The following SGK1 variants were observed in gnomAD, a reference collection of about 807,000 sequenced individuals.
The protein encoded by SGK1 is serum/glucocorticoid regulated kinase 1.
A neutral mutation model predicts 64.2 loss-of-function variants in SGK1; 26 were observed. The observed-to-expected ratio is 0.40, with a 90% CI of 0.30 to 0.56. The LOEUF (loss-of-function observed/expected upper bound fraction) is 0.56, where lower values mean the gene tolerates loss of function less well. Ranked by LOEUF, SGK1 falls within the 20% of genes least tolerant of loss-of-function variation. SGK1 has a pLI of 0.38. For synonymous variants in SGK1, 265 were observed against 239.7 expected (o/e 1.11, Z -0.98); for missense variants, 519 against 645.6 (o/e 0.80, Z 2.12).
chr6:134,194,101 T>A (rs181545117), intron 3 of SGK1, among the ~76,000 whole-genome samples: 1 of 151,566 alleles, frequency 6.6e-6, no homozygotes, highest in East Asian at 1.9e-4. Flanking sequence ...TGGAGTTACA[T>A]GGAGAAAACC....
At chr6:134,255,793 C>T (rs993641195) in intron 2 of SGK1, among the ~76,000 whole-genome samples, 1 of 151,750 alleles carries the variant, frequency 6.6e-6, no homozygotes, top group Admixed American at 6.6e-5. Context: ...CCATGTTGAC[C>T]GGGCTGGTCT....
chr6:134,235,673 G>A (rs1340942105), intron 2 of SGK1, among the ~76,000 whole-genome samples: 3 of 151,844 alleles, frequency 2.0e-5, no homozygotes, highest in Non-Finnish European at 4.4e-5. Flanking sequence ...CAGGGTTCAA[G>A]TGATTCTCCT....
In SGK1 at chr6:134,206,383, A is replaced by ATTTTTTTT. The variant is rs869072819; in HGVS notation, c.361+965_361+972dup. ...TATATATATATATATATATATATAT[A>ATTTTTTTT]TTTTTTTTTTTTTTTTTTTTTTTTA... On this transcript the variant is annotated intron_variant, in intron 3 of 13. Transcript: ENST00000367858. Among the ~76,000 whole-genome samples the ATTTTTTTT allele has an allele frequency of 1.1e-3, 19 of 16,592 alleles. 1 individual carries two copies. In the South Asian group the frequency reaches 0.012, roughly 10 times the overall value. 10.9% of individuals were successfully genotyped at this position (16,592 alleles called of 152,430 possible). A position where few individuals can be genotyped will look rare whatever the true frequency, so the allele number is the denominator to read the frequency against.
chr6:134,252,297 T>C (rs1260287700), intron 2 of SGK1, among the ~76,000 whole-genome samples: 1 of 152,166 alleles, frequency 6.6e-6, no homozygotes, highest in Admixed American at 6.5e-5. Flanking sequence ...ATGGAAGTAC[T>C]CCTGGAGGAG....
intron 1 of SGK1, chr6:134,298,784 CTTATTTATTTATTTAT>C: frequency 3.6e-6 from 1 of 276,494 alleles, no homozygotes; most frequent in Non-Finnish European, 6.3e-6. Context: ...GCATTCAGCT[CTTATTTATTTATTTAT>C]TTATTTATTT....
intron 2 of SGK1, among the ~76,000 whole-genome samples, chr6:134,225,437 C>A (rs1776160365): frequency 6.6e-6 from 1 of 151,536 alleles, no homozygotes; most frequent in African/African-American, 2.4e-5. Context: ...TATTTGAGGG[C>A]AGGAGGGTAC....
intron 2 of SGK1, among the ~76,000 whole-genome samples, chr6:134,251,352 T>C (rs1252914780): frequency 3.3e-5 from 5 of 152,216 alleles, no homozygotes; most frequent in Non-Finnish European, 7.3e-5. Flanking sequence ...TCAAAACTAC[T>C]AAAACAGGAT....
chr6:134,233,273 A>G (rs1233205662), intron 2 of SGK1, among the ~76,000 whole-genome samples: 3 of 152,208 alleles, frequency 2.0e-5, no homozygotes, highest in Non-Finnish European at 2.9e-5. Context: ...ATAGTCTTCA[A>G]TTCTAATTTG....
At chr6:134,298,407 G>T in intron 1 of SGK1, 1 of 1,090,400 alleles carries the variant, frequency 9.2e-7, no homozygotes, top group Non-Finnish European at 1.4e-6. Flanking sequence ...TGTTGCTGAG[G>T]GTCTTGATCT....
chr6:134,221,654 T>G (rs1776092348), intron 2 of SGK1, among the ~76,000 whole-genome samples: 1 of 149,468 alleles, frequency 6.7e-6, no homozygotes, highest in Admixed American at 6.7e-5. Context: ...CACATATAAT[T>G]TTTTTTTTTT....
At chr6:134,184,504 CAAAA>C (rs1162404618) in intron 3 of SGK1, among the ~76,000 whole-genome samples, 51 of 63,564 alleles carry the variant, frequency 8.0e-4, no homozygotes, top group African/African-American at 2.8e-3. Flanking sequence ...GACTCCATCT[CAAAA>C]AAAAAAAAAA....
At chr6:134,192,120 C>A (rs533465124) in intron 3 of SGK1, among the ~76,000 whole-genome samples, 1 of 151,768 alleles carries the variant, frequency 6.6e-6, no homozygotes, top group Non-Finnish European at 1.5e-5. Context: ...TGAGCCACCG[C>A]GCCCGGCCCT....
intron 2 of SGK1, among the ~76,000 whole-genome samples, chr6:134,256,499 C>A (rs1776686144): frequency 6.6e-6 from 1 of 152,182 alleles, no homozygotes; most frequent in Non-Finnish European, 1.5e-5. Context: ...TCCACCTCCA[C>A]TTCAAAACTT....
chr6:134,256,384 GTA>G (rs959843242), intron 2 of SGK1, among the ~76,000 whole-genome samples: 1 of 151,978 alleles, frequency 6.6e-6, no homozygotes, highest in African/African-American at 2.4e-5. Flanking sequence ...GTGTGTGTGT[GTA>G]TGTGTGTGTG....
At chr6:134,261,422 A>C (rs1468983320) in intron 2 of SGK1, 1 of 196,686 alleles carries the variant, frequency 5.1e-6, no homozygotes, top group Non-Finnish European at 1.0e-5. Context: ...ATTCAGCTAG[A>C]TGACATTCTG....
chr6:134,186,743 A>C (rs1196544089), intron 3 of SGK1, among the ~76,000 whole-genome samples: 3 of 152,146 alleles, frequency 2.0e-5, no homozygotes, highest in Non-Finnish European at 4.4e-5. Flanking sequence ...CATTGACCTT[A>C]ATCACAGGAC....
chr6:134,200,264 A>G (rs752777723), intron 3 of SGK1, among the ~76,000 whole-genome samples: 10 of 152,240 alleles, frequency 6.6e-5, no homozygotes, highest in Non-Finnish European at 1.3e-4. Flanking sequence ...GAGCAGTAAG[A>G]TGACGGGTGA....
At chr6:134,268,157 T>A (rs1776881599) in intron 1 of SGK1, among the ~76,000 whole-genome samples, 1 of 152,210 alleles carries the variant, frequency 6.6e-6, no homozygotes, top group African/African-American at 2.4e-5. Flanking sequence ...AAGCTACAAC[T>A]GGCCCATTGT....
In SGK1 at chr6:134,286,505, G is replaced by A. The variant is rs1048559241; in HGVS notation, c.70-24357C>T. ...TTTTTTTTTTTTTTTTTTTTGAGAC[G>A]GAGTCTCGCTGAGTGCAGTGGCGCG... On this transcript the variant is annotated intron_variant, in intron 1 of 13. Coordinates refer to ENST00000367858, the MANE Select transcript of SGK1 (RefSeq NM_001143676.3). 1.1e-3 allele frequency among the ~76,000 whole-genome samples: 168 copies of A among 146,566 alleles called. 1 individual carries two copies. The highest frequency in any genetic ancestry group is 2.1e-4 in the Admixed American group (3 of 14,618).
Sources: allele counts gnomAD v4.1 joint callset (sites outside exome capture counted in the v4.1 genomes callset), GRCh38; gene constraint gnomAD v4.1.1; transcripts MANE v1.5; gene names NCBI Gene and HGNC (gene_info 2026-07-23, HGNC 2026-07-21).